Variants in SLC14A2 observed in about 807,000 individuals in gnomAD.
SLC14A2 encodes solute carrier family 14 member 2, also known as urea transporter 2.
SLC14A2 carries 91 observed loss-of-function variants against 104.6 expected under a neutral mutation model. That is an observed-to-expected ratio of 0.87 (90% CI 0.73 to 1.04). The LOEUF is 1.04. SLC14A2 is among the 50% of genes least tolerant of loss of function. The probability of loss-of-function intolerance (pLI) is 0.00; values close to 1 mark genes in which losing one functional copy is unlikely to be tolerated. For missense variants in SLC14A2, 1,189 were observed against 1,156.0 expected (o/e 1.03, Z -0.41); for synonymous variants, 476 against 466.4 (o/e 1.02, Z -0.27).
chr18:45,560,585 T>A (rs1261131331), intron 2 of SLC14A2, among the ~76,000 whole-genome samples: 1 of 152,108 alleles, frequency 6.6e-6, no homozygotes, highest in Non-Finnish European at 1.5e-5. Flanking sequence ...CCCCTTGCAT[T>A]CTAAGGGAAC....
intron 1 of SLC14A2, among the ~76,000 whole-genome samples, chr18:45,477,433 G>T (rs1385877869): frequency 6.6e-6 from 1 of 152,198 alleles, no homozygotes; most frequent in African/African-American, 2.4e-5. Context: ...CTGCTAGGAG[G>T]CATCTCCCAG....
the SLC14A2 span, among the ~76,000 whole-genome samples, chr18:45,205,169 A>G: frequency 3.7e-4 from 56 of 152,310 alleles, no homozygotes; most frequent in Non-Finnish European, 2.6e-4. Flanking sequence ...GGGGGCCCAG[A>G]CCTTCCCCTA....
At chr18:45,622,079 A>G (rs2045180062) in intron 1 of SLC14A2, among the ~76,000 whole-genome samples, 1 of 152,206 alleles carries the variant, frequency 6.6e-6, no homozygotes, top group Non-Finnish European at 1.5e-5. Context: ...GTAGTTTTCC[A>G]TCTGAAAGCA....
chr18:45,227,783 C>T (rs1375569713), intron 1 of SLC14A2, among the ~76,000 whole-genome samples: 1 of 152,170 alleles, frequency 6.6e-6, no homozygotes, highest in Non-Finnish European at 1.5e-5. Flanking sequence ...AGTACCAATC[C>T]AGAAAGCCAA....
chr18:45,552,135 T>C lies in SLC14A2; in HGVS notation c.-35+68813T>C, dbSNP rs80170590. ...CTTGTCCATATATGTCCTTAATTAT[T>C]AGCCCACCCTTCCTTGGCGTTGAAA... is the stretch of plus-strand genomic sequence containing the variant. On this transcript the variant is annotated intron_variant, in intron 2 of 20. Coordinates refer to the SLC14A2 transcript ENST00000586448. Among the ~76,000 whole-genome samples, 418 of 152,290 alleles carry C rather than the reference T, an allele frequency of 2.7e-3. 3 individuals are homozygous for C. The highest frequency in any genetic ancestry group is 9.1e-3 in the African/African-American group (379 of 41,550).
intron 1 of SLC14A2, among the ~76,000 whole-genome samples, chr18:45,319,700 T>G (rs2085165768): frequency 6.6e-6 from 1 of 152,208 alleles, no homozygotes; most frequent in South Asian, 2.1e-4. Context: ...CACCTTATTC[T>G]CAATCCAGGC....
chr18:45,263,342 A>G (rs138594735), intron 1 of SLC14A2, among the ~76,000 whole-genome samples: 2 of 152,342 alleles, frequency 1.3e-5, no homozygotes, highest in African/African-American at 2.4e-5. Context: ...ATCAGGGGTT[A>G]GTGATATTGA....
At chr18:45,224,341 C>T (rs1402683837) in intron 1 of SLC14A2, among the ~76,000 whole-genome samples, 6 of 152,166 alleles carry the variant, frequency 3.9e-5, no homozygotes, top group Non-Finnish European at 4.4e-5. Context: ...GGGATGAAGC[C>T]CTGGATCAGC....
chr18:45,445,106 C>CTTTTT (rs34188378), intron 1 of SLC14A2, among the ~76,000 whole-genome samples: 27 of 94,720 alleles, frequency 2.9e-4, no homozygotes, highest in African/African-American at 4.3e-4. Context: ...AATTGACATG[C>CTTTTT]TTTTTTTTTT....
chr18:45,253,519 C>CAA (rs796286941), intron 1 of SLC14A2, among the ~76,000 whole-genome samples: 10,215 of 130,818 alleles, frequency 0.078, 413 homozygotes, highest in African/African-American at 0.1. Flanking sequence ...CAAATGACTG[C>CAA]AAAAAAAAAA....
At chr18:45,298,704 TTAAA>T (rs996827337) in intron 1 of SLC14A2, among the ~76,000 whole-genome samples, 30 of 152,142 alleles carry the variant, frequency 2.0e-4, no homozygotes, top group African/African-American at 7.0e-4. Flanking sequence ...AAATGGAAAG[TTAAA>T]TAAAGATACC....
At chr18:45,326,123 T>C (rs1176867309) in intron 1 of SLC14A2, among the ~76,000 whole-genome samples, 10 of 152,206 alleles carry the variant, frequency 6.6e-5, no homozygotes, top group Non-Finnish European at 2.9e-5. Flanking sequence ...CTACCATCTT[T>C]CTGAATTAAA....
At chr18:45,279,991 C>A (rs926827916) in intron 1 of SLC14A2, among the ~76,000 whole-genome samples, 5 of 152,196 alleles carry the variant, frequency 3.3e-5, no homozygotes, top group Admixed American at 6.5e-5. Flanking sequence ...CACACCCCCA[C>A]CCCTGTGGTT....
At chr18:45,501,834 C>T (rs745486584) in intron 2 of SLC14A2, among the ~76,000 whole-genome samples, 1 of 152,210 alleles carries the variant, frequency 6.6e-6, no homozygotes, top group Admixed American at 6.5e-5. Flanking sequence ...GGGAAAAAAT[C>T]ACTCATGAAG....
At chr18:45,195,029 C>T in the SLC14A2 span, among the ~76,000 whole-genome samples, 3 of 152,188 alleles carry the variant, frequency 2.0e-5, no homozygotes, top group African/African-American at 7.2e-5. Flanking sequence ...GAAGAAACTT[C>T]TTTCACCGCA....
chr18:45,562,684 G>GAA (rs1277399337), intron 2 of SLC14A2, among the ~76,000 whole-genome samples: 1 of 152,068 alleles, frequency 6.6e-6, no homozygotes, highest in Non-Finnish European at 1.5e-5. Context: ...TCTGAGCAGA[G>GAA]AAGAAGTTCA....
intron 1 of SLC14A2, among the ~76,000 whole-genome samples, chr18:45,338,591 TA>T (rs1411949622): frequency 7.8e-6 from 1 of 128,716 alleles, no homozygotes; most frequent in East Asian, 2.4e-4. Context: ...CTAAAGTGTA[TA>T]AAAACAATGT....
intron 1 of SLC14A2, among the ~76,000 whole-genome samples, chr18:45,221,163 A>G (rs907156318): frequency 5.9e-5 from 9 of 152,186 alleles, no homozygotes; most frequent in Non-Finnish European, 1.3e-4. Context: ...TAATCAAACC[A>G]TCTAACTGCC....
intron 1 of SLC14A2, among the ~76,000 whole-genome samples, chr18:45,226,068 A>C (rs1313317104): frequency 6.6e-6 from 1 of 152,208 alleles, no homozygotes; most frequent in East Asian, 1.9e-4. Flanking sequence ...CACATGAAAA[A>C]ATGCTCATCA....
Sources: gnomAD v4.1 joint callset for allele counts (sites outside exome capture counted in the v4.1 genomes callset) on GRCh38, gnomAD v4.1.1 for gene constraint, MANE v1.5 for transcripts, NCBI Gene and HGNC (gene_info 2026-07-23, HGNC 2026-07-21) for gene names.